CLIC6: variants seen among roughly 807,000 people sequenced by gnomAD.
The protein encoded by CLIC6 is chloride intracellular channel protein 6.
Under a neutral mutation model 49.2 loss-of-function variants are expected in CLIC6, and 39 were observed. That is an observed-to-expected ratio of 0.79 (90% CI 0.61 to 1.04). CLIC6 has a LOEUF of 1.04. Ranked by LOEUF, CLIC6 falls within the 50% of genes least tolerant of loss-of-function variation. CLIC6 has a pLI of 0.00. For missense variants in CLIC6, 988 were observed against 993.1 expected (o/e 0.99, Z 0.07); for synonymous variants, 446 against 433.4 (o/e 1.03, Z -0.36).
intron 5 of CLIC6, among the ~76,000 whole-genome samples, chr21:34,715,682 AG>A (rs1223283008): frequency 2.0e-5 from 3 of 152,228 alleles, no homozygotes; most frequent in African/African-American, 4.8e-5. Context: ...TGCTAGAGGA[AG>A]TATCTCACAC....
At position 34,709,482 on chromosome 21, in the gene CLIC6, G is replaced by C. The variant is rs1395454483; in HGVS notation, c.1843G>C (p.Gly615Arg). The C allele has an allele frequency of 1.9e-6, 3 of 1,613,988 alleles. No homozygotes were observed. ...VTVSGRKFLD[G>R]DELTLADCNL... is the part of the protein sequence containing the mutation. ...TGTTTCTGGAAGGAAGTTTCTGGAT[G>C]GGGACGAGCTGACGCTGGCTGACTG... is the stretch of plus-strand genomic sequence containing the variant. The change falls in exon 5 of 6, where the codon GGG becomes CGG. Residue 615 changes from glycine to arginine, a missense_variant. Gly to Arg is a moderately radical substitution (Grantham distance 125). This residue lies in a region of CLIC6 where 647 missense variants were observed against 596.9 expected (regional missense o/e 1.08). Coordinates refer to ENST00000349499, the MANE Select transcript of CLIC6 (RefSeq NM_053277.3).
intron 1 of CLIC6, among the ~76,000 whole-genome samples, chr21:34,697,105 G>A (rs1046795871): frequency 6.6e-6 from 1 of 152,132 alleles, no homozygotes. Context: ...TTTGTTGAGA[G>A]TGATTTAGAG....
intron 1 of CLIC6, among the ~76,000 whole-genome samples, chr21:34,705,420 A>G (rs1017425971): frequency 2.6e-5 from 4 of 152,148 alleles, no homozygotes; most frequent in Non-Finnish European, 5.9e-5. Context: ...CCTCAGGTGG[A>G]CGAGGGGATG....
chr21:34,688,580 T>C (rs1297018821), intron 1 of CLIC6, among the ~76,000 whole-genome samples: 2 of 152,200 alleles, frequency 1.3e-5, no homozygotes, highest in African/African-American at 2.4e-5. Context: ...TAGCTCCATC[T>C]TGCGCCTAAC....
intron 5 of CLIC6, among the ~76,000 whole-genome samples, chr21:34,715,367 G>A (rs568628939): frequency 1.1e-4 from 17 of 152,232 alleles, no homozygotes; most frequent in South Asian, 4.1e-4. Flanking sequence ...GGCCAGTATC[G>A]TTGCAAACTG....
intron 1 of CLIC6, among the ~76,000 whole-genome samples, chr21:34,678,210 T>G (rs1264449504): frequency 6.7e-6 from 1 of 150,256 alleles, no homozygotes; most frequent in Non-Finnish European, 1.5e-5. Flanking sequence ...GGCGGGCAGA[T>G]CACGAGGTCA....
intron 1 of CLIC6, among the ~76,000 whole-genome samples, chr21:34,693,744 C>T (rs115841308): frequency 0.013 from 1,962 of 152,252 alleles, 47 homozygotes; most frequent in African/African-American, 0.045. Context: ...CAGTTCAGGT[C>T]GAAACAGTTA....
chr21:34,688,261 C>T (rs529506091), intron 1 of CLIC6, among the ~76,000 whole-genome samples: 10 of 152,264 alleles, frequency 6.6e-5, no homozygotes, highest in South Asian at 2.1e-4. Context: ...TCAGTGTGGC[C>T]GCCCCCCACC....
intron 1 of CLIC6, among the ~76,000 whole-genome samples, chr21:34,673,598 G>A (rs1351754344): frequency 6.6e-6 from 1 of 152,114 alleles, no homozygotes; most frequent in Admixed American, 6.6e-5. Flanking sequence ...GCTGAGATTT[G>A]TTAACTTCTG....
At position 34,708,722 on chromosome 21, in the gene CLIC6, C is replaced by A; in HGVS notation, c.1633C>A (p.His545Asn). 6.2e-7 allele frequency: 1 copy of A among 1,614,104 alleles called. No homozygotes were observed. The highest frequency in any genetic ancestry group is 8.5e-7 in the Non-Finnish European group (1 of 1,179,914). Reference protein sequence around the residue: ...PPRYPKLGTQHPESNSAGNDV... With the variant: ...PPRYPKLGTQNPESNSAGNDV... ...AAGGTATCCCAAGCTGGGGACCCAA[C>A]ATCCCGAATCTAATTCCGCAGGAAA... The change falls in exon 4 of 6, where the codon CAT (histidine) becomes AAT (asparagine). Residue 545 changes from histidine to asparagine, a missense_variant. His to Asn is a moderately conservative substitution (Grantham distance 68). This residue lies in a region of CLIC6 where 647 missense variants were observed against 596.9 expected (regional missense o/e 1.08). Transcript: ENST00000349499.
At chr21:34,708,146 AGTGT>A in intron 3 of CLIC6, 77 bp downstream of exon 3, 13 of 1,524,174 alleles carry the variant, frequency 8.5e-6, no homozygotes, top group Non-Finnish European at 1.1e-5. Context: ...AGCTCTGGGC[AGTGT>A]GTGTGTGTGT....
intron 1 of CLIC6, among the ~76,000 whole-genome samples, chr21:34,680,990 C>T (rs1209240160): frequency 1.3e-5 from 2 of 152,224 alleles, no homozygotes; most frequent in Non-Finnish European, 2.9e-5. Context: ...GTAGCTTTCA[C>T]ATTTTCAGGT....
At chr21:34,698,268 A>C (rs1355230034) in intron 1 of CLIC6, among the ~76,000 whole-genome samples, 1 of 152,216 alleles carries the variant, frequency 6.6e-6, no homozygotes, top group Non-Finnish European at 1.5e-5. Flanking sequence ...ACAAGGAGGC[A>C]TTAGCACTTG....
intron 1 of CLIC6, chr21:34,706,087 A>T (rs952001890): frequency 1.5e-6 from 1 of 682,464 alleles, no homozygotes; most frequent in Admixed American, 2.1e-5. Flanking sequence ...GAGAGTGGGT[A>T]ATTTATAAAG....
At chr21:34,705,776 T>C (rs2056010212) in intron 1 of CLIC6, among the ~76,000 whole-genome samples, 1 of 152,038 alleles carries the variant, frequency 6.6e-6, no homozygotes, top group African/African-American at 2.4e-5. Flanking sequence ...CAATGGATCA[T>C]CCAATTGGGG....
At chr21:34,682,361 C>A (rs537251825) in intron 1 of CLIC6, among the ~76,000 whole-genome samples, 1 of 152,232 alleles carries the variant, frequency 6.6e-6, no homozygotes, top group South Asian at 2.1e-4. Context: ...AAATAATGTC[C>A]ATTGTCATGT....
chr21:34,670,240 T>G lies in CLIC6; in HGVS notation c.852T>G (p.Gly284=). The part of the protein sequence containing the change: ...GPAGDSMDAE[G]PAGRARRVSG... ...CGGGGGACAGCATGGACGCCGAGGG[T>G]CCGGCAGGAAGGGCGCGCCGGGTCT... The change falls in exon 1 of 6, where the codon GGT becomes GGG. Residue 284 remains glycine, a synonymous_variant. Coordinates refer to ENST00000349499, the MANE Select transcript of CLIC6 (RefSeq NM_053277.3). 7.0e-7 allele frequency: 1 copy of G among 1,420,522 alleles called. No homozygotes were observed. The highest frequency in any genetic ancestry group is 9.1e-7 in the Non-Finnish European group (1 of 1,094,798). 88.0% of individuals were successfully genotyped at this position (1,420,522 alleles called of 1,614,324 possible). A position where few individuals can be genotyped will look rare whatever the true frequency, so the allele number is the denominator to read the frequency against.
Position 34,708,035 on chromosome 21 carries a change from G to A in CLIC6, c.1576G>A (p.Glu526Lys), listed in dbSNP as rs759018451. The A allele has an allele frequency of 1.5e-5, 24 of 1,613,978 alleles. No individual in the cohort carries two copies. Among genetic ancestry groups the A allele is most frequent in the East Asian group, 2.2e-5 (1 of 44,894 alleles). The change falls in exon 3 of 6, where the codon GAG (glutamate) becomes AAG (lysine). Residue 526 changes from glutamate (E) to lysine (K), a missense_variant. Physicochemically the swap from Glu to Lys is moderately conservative, Grantham distance 56. Transcript: ENST00000349499. ...GEVKTDVNKI[E>K]EFLEEKLAPP... ...AGTCAAGACGGATGTGAATAAGATC[G>A]AGGAGTTCTTAGAGGAGAAATTAGC...
chr21:34,692,535 G>A lies in CLIC6; in HGVS notation c.1375-14745G>A, dbSNP rs146728185. On this transcript the variant is annotated intron_variant, in intron 1 of 5. Coordinates refer to ENST00000349499, the MANE Select transcript of CLIC6 (RefSeq NM_053277.3). ...AGGAAGTGTTCTAAAATCTATATTG[G>A]CTCTAAACCTGATCTCATAATAATT... is the stretch of plus-strand genomic sequence containing the variant. Among the ~76,000 whole-genome samples the A allele has an allele frequency of 5.3e-5, 8 of 152,258 alleles. No homozygotes were observed. The East Asian group carries it at 1.5e-3, about 29-fold the overall frequency.
Sources: gnomAD v4.1 joint callset for allele counts (sites outside exome capture counted in the v4.1 genomes callset) on GRCh38, gnomAD v4.1.1 for gene constraint, gnomAD v4.1.1 regional missense constraint, MANE v1.5 for transcripts, NCBI Gene and HGNC (gene_info 2026-07-23, HGNC 2026-07-21) for gene names.